Variants in ATP2C1 observed in about 807,000 individuals in gnomAD.
The protein encoded by ATP2C1 is calcium-transporting ATPase type 2C member 1.
ATP2C1 carries 31 observed loss-of-function variants against 120.5 expected under a neutral mutation model. The observed-to-expected ratio is 0.26, with a 90% CI of 0.19 to 0.35. The LOEUF (loss-of-function observed/expected upper bound fraction) is 0.35, where lower values mean the gene tolerates loss of function less well. Ranked by LOEUF, ATP2C1 falls within the 10% of genes least tolerant of loss-of-function variation. The pLI is 1.00. For synonymous variants in ATP2C1, 351 were observed against 358.7 expected (o/e 0.98, Z 0.24); for missense variants, 731 against 1,107.5 (o/e 0.66, Z 4.83).
chr3:130,967,099 A>AGT (rs1244882084), intron 14 of ATP2C1, 46 bp from the exon 15 acceptor site: 1 of 1,417,284 alleles, frequency 7.1e-7, no homozygotes, highest in Non-Finnish European at 1.0e-6. Flanking sequence ...GTCACCACCA[A>AGT]GTGTTTGTAG....
At chr3:130,869,421 A>AT (rs2068341958) in intron 1 of ATP2C1, 4 of 50,622 alleles carry the variant, frequency 7.9e-5, no homozygotes, top group African/African-American at 2.3e-4. Flanking sequence ...AGAATGATCA[A>AT]TAAAAAATAA....
chr3:130,940,170 T>C (rs2059832642), intron 6 of ATP2C1, among the ~76,000 whole-genome samples: 3 of 152,184 alleles, frequency 2.0e-5, no homozygotes, highest in African/African-American at 7.2e-5. Context: ...GTTTATCCCA[T>C]GTTTGTTCTA....
chr3:130,865,599 G>C (rs2068148233), intron 1 of ATP2C1, among the ~76,000 whole-genome samples: 1 of 152,168 alleles, frequency 6.6e-6, no homozygotes, highest in South Asian at 2.1e-4. Context: ...GGAGGTAATT[G>C]AATCATAGGG....
chr3:131,015,099 C>T, intron 26 of ATP2C1: 1 of 572,684 alleles, frequency 1.7e-6, no homozygotes, highest in Non-Finnish European at 3.1e-6. Context: ...GGGTCAAAGG[C>T]CAATTAGTCT....
intron 17 of ATP2C1, among the ~76,000 whole-genome samples, chr3:130,971,565 C>T (rs772197857): frequency 3.3e-5 from 5 of 152,046 alleles, no homozygotes; most frequent in Non-Finnish European, 7.4e-5. Context: ...CTACTATCTC[C>T]CTGGAACCCA....
chr3:130,934,564 G>A, intron 4 of ATP2C1, 58 bp from the exon 5 acceptor site: 1 of 1,106,274 alleles, frequency 9.0e-7, no homozygotes. Flanking sequence ...TAAAGCCTTT[G>A]CTGAGAGAAC....
In ATP2C1 at chr3:130,932,004, A is replaced by G. The variant is rs769782066; in HGVS notation, c.118-18A>G. ...TGTGCTAACATTTTCAATAACTTTCATGTATAAACTCTAATAGGCTGATCT... is the reference window on the plus strand; with the variant it reads ...TGTGCTAACATTTTCAATAACTTTCGTGTATAAACTCTAATAGGCTGATCT... On this transcript the variant is annotated intron_variant, in intron 3 of 27. Coordinates refer to ENST00000510168, the MANE Select transcript of ATP2C1 (RefSeq NM_001378687.1). 12 of 1,467,318 alleles carry G rather than the reference A, an allele frequency of 8.2e-6. No homozygotes were observed. The highest frequency in any genetic ancestry group is 1.1e-5 in the South Asian group (1 of 88,174). 90.9% of individuals were successfully genotyped at this position (1,467,318 alleles called of 1,614,324 possible). A position where few individuals can be genotyped will look rare whatever the true frequency, so the allele number is the denominator to read the frequency against.
intron 1 of ATP2C1, among the ~76,000 whole-genome samples, chr3:130,865,765 C>A (rs949776552): frequency 6.6e-6 from 1 of 152,298 alleles, no homozygotes; most frequent in African/African-American, 2.4e-5. Context: ...TGAGGCCTCC[C>A]CAGCCATGTG....
rs6439264 is a variant in ATP2C1, at chr3:130,860,704, G to C, written c.108+9776G>C. 2.8e-3 allele frequency among the ~76,000 whole-genome samples: 429 copies of C among 152,200 alleles called. 4 individuals carry two copies. The highest frequency in any genetic ancestry group is 9.8e-3 in the African/African-American group (406 of 41,518). On this transcript the variant is annotated intron_variant, in intron 1 of 26. Transcript: ENST00000504381. ...AAAGCCCAATTCATTCCCTCATACAGAGATACCTCCCATAGATAGGATTCC... is the reference window on the plus strand; with the variant it reads ...AAAGCCCAATTCATTCCCTCATACACAGATACCTCCCATAGATAGGATTCC...
intron 1 of ATP2C1, among the ~76,000 whole-genome samples, chr3:130,858,405 T>G (rs1365463733): frequency 6.6e-6 from 1 of 152,200 alleles, no homozygotes. Context: ...CTTTCTATCC[T>G]CCCTCAGTTA....
chr3:130,963,558 A>G (rs1192143810), intron 12 of ATP2C1: 1 of 210,752 alleles, frequency 4.7e-6, no homozygotes, highest in Admixed American at 5.3e-5. Flanking sequence ...CAGTTGATGA[A>G]TATTTGGCCT....
chr3:130,953,734 T>C (rs1252078083), intron 8 of ATP2C1, 87 bp from the exon 9 acceptor site: 2 of 1,395,662 alleles, frequency 1.4e-6, no homozygotes, highest in East Asian at 2.3e-5. Flanking sequence ...AAAGGGATGT[T>C]TGAGGAAGAA....
chr3:130,912,367 A>G (rs937457643), intron 2 of ATP2C1, among the ~76,000 whole-genome samples: 3 of 151,844 alleles, frequency 2.0e-5, no homozygotes, highest in African/African-American at 4.9e-5. Context: ...ACAAAGGGCA[A>G]ATATCCAGAA....
intron 8 of ATP2C1, among the ~76,000 whole-genome samples, chr3:130,947,269 A>G (rs2060193587): frequency 6.6e-6 from 1 of 152,178 alleles, no homozygotes; most frequent in Non-Finnish European, 1.5e-5. Flanking sequence ...AAAATTATTA[A>G]AACAGCTTTT....
intron 1 of ATP2C1, among the ~76,000 whole-genome samples, chr3:130,858,689 C>A (rs546443772): frequency 6.0e-4 from 92 of 152,152 alleles, no homozygotes; most frequent in Non-Finnish European, 1.1e-3. Context: ...TGAATTCTAT[C>A]TTGAGACTGA....
At chr3:130,954,264 T>G (rs998170557) in intron 9 of ATP2C1, among the ~76,000 whole-genome samples, 2 of 152,198 alleles carry the variant, frequency 1.3e-5, no homozygotes, top group African/African-American at 4.8e-5. Context: ...AAATTTTAAT[T>G]TAGTTAATAT....
chr3:130,997,172 G>T (rs2062664973), intron 24 of ATP2C1, among the ~76,000 whole-genome samples: 1 of 152,052 alleles, frequency 6.6e-6, no homozygotes, highest in African/African-American at 2.4e-5. Context: ...AGTATTAGAG[G>T]ACCTGAGTGT....
At chr3:131,015,348 A>G in intron 26 of ATP2C1, 1 of 626,736 alleles carries the variant, frequency 1.6e-6, no homozygotes, top group Non-Finnish European at 2.8e-6. Flanking sequence ...TCTCCTTTTT[A>G]TCTTCATCTC....
At chr3:130,942,492 T>C (rs1242599700) in intron 8 of ATP2C1, among the ~76,000 whole-genome samples, 1 of 152,244 alleles carries the variant, frequency 6.6e-6, no homozygotes, top group Non-Finnish European at 1.5e-5. Context: ...TTAAGCTGTT[T>C]GTTAACACCT....
Sources: gnomAD v4.1 joint callset for allele counts (sites outside exome capture counted in the v4.1 genomes callset) on GRCh38, gnomAD v4.1.1 for gene constraint, MANE v1.5 for transcripts, NCBI Gene and HGNC (gene_info 2026-07-23, HGNC 2026-07-21) for gene names.